The following PTPRT variants were observed in gnomAD, a reference collection of about 807,000 sequenced individuals.
The protein encoded by PTPRT is protein tyrosine phosphatase receptor type T, also known as receptor-type tyrosine-protein phosphatase T.
PTPRT carries 56 observed loss-of-function variants against 176.8 expected under a neutral mutation model. The observed-to-expected ratio is 0.32, with a 90% CI of 0.26 to 0.40. The LOEUF is 0.40. Ranked by LOEUF, PTPRT falls within the 10% of genes least tolerant of loss-of-function variation. The pLI, the probability that PTPRT is intolerant of heterozygous loss-of-function variation, is 1.00. For missense variants in PTPRT, 1,540 were observed against 1,908.2 expected (o/e 0.81, Z 3.60); for synonymous variants, 783 against 739.0 (o/e 1.06, Z -0.96).
chr20:42,593,581 C>T (rs1343262220), intron 7 of PTPRT, among the ~76,000 whole-genome samples: 2 of 152,174 alleles, frequency 1.3e-5, no homozygotes, highest in Admixed American at 1.3e-4. Flanking sequence ...TCAATATTTC[C>T]ACATTTGCTG....
intron 7 of PTPRT, among the ~76,000 whole-genome samples, chr20:42,575,075 G>T (rs1352780177): frequency 6.6e-6 from 1 of 152,108 alleles, no homozygotes; most frequent in African/African-American, 2.4e-5. Flanking sequence ...CGTGAGAATG[G>T]TCTAATACAC....
chr20:42,804,897 T>A (rs1342372870), intron 2 of PTPRT, among the ~76,000 whole-genome samples: 1 of 152,216 alleles, frequency 6.6e-6, no homozygotes, highest in Non-Finnish European at 1.5e-5. Flanking sequence ...TACTCCAATA[T>A]GGCTTTATCT....
At chr20:42,961,463 T>C (rs898281423) in intron 1 of PTPRT, among the ~76,000 whole-genome samples, 11 of 152,212 alleles carry the variant, frequency 7.2e-5, no homozygotes, top group African/African-American at 2.7e-4. Flanking sequence ...AAAGAAAGAT[T>C]ATAGCTACAT....
At chr20:42,201,232 G>A (rs1440393717) in intron 15 of PTPRT, among the ~76,000 whole-genome samples, 1 of 152,120 alleles carries the variant, frequency 6.6e-6, no homozygotes, top group Non-Finnish European at 1.5e-5. Flanking sequence ...CCCAAGAGGT[G>A]GAGGCTGCAG....
rs111947642 is a variant in PTPRT at position 42,429,516 on chromosome 20, G to T, written c.1560+18704C>A. On this transcript the variant is annotated intron_variant, in intron 9 of 30. Coordinates refer to ENST00000373187, the MANE Select transcript of PTPRT (RefSeq NM_007050.6). ...TCTCCTCCCTCTCTCCTCATCCCCT[G>T]CAAGGCGCTCTTTCAGATGAACAGA... Among the ~76,000 whole-genome samples the T allele has an allele frequency of 4.7e-3, 712 of 152,222 alleles. 5 individuals carry two copies. Among genetic ancestry groups the T allele is most frequent in the African/African-American group, 0.016 (652 of 41,554 alleles).
chr20:42,458,785 A>T (rs756977119), intron 8 of PTPRT, among the ~76,000 whole-genome samples: 9 of 152,170 alleles, frequency 5.9e-5, no homozygotes, highest in Non-Finnish European at 1.3e-4. Flanking sequence ...ATGATCTTAA[A>T]TCTAATTTTT....
At position 42,546,532 on chromosome 20, in the gene PTPRT, T is replaced by C. The variant is rs952521204; in HGVS notation, c.1154-73970A>G. On this transcript the variant is annotated intron_variant, in intron 7 of 30. Coordinates refer to ENST00000373187, the MANE Select transcript of PTPRT (RefSeq NM_007050.6). The stretch of plus-strand genomic sequence containing the variant: ...GAAATACGGAGTCCTTCTCAGGCCA[T>C]ATTTAATTTCCTTTAACAGTGTTTC... Among the ~76,000 whole-genome samples, 3 of 152,044 alleles carry C rather than the reference T, an allele frequency of 2.0e-5. No homozygotes were observed. The East Asian group carries it at 5.8e-4, about 29-fold the overall frequency.
intron 1 of PTPRT, among the ~76,000 whole-genome samples, chr20:42,927,438 C>T (rs1447736979): frequency 2.6e-5 from 4 of 152,048 alleles, no homozygotes; most frequent in East Asian, 3.9e-4. Context: ...GGCGCATGCC[C>T]GTAATCCAAG....
At chr20:42,052,245 G>A in the PTPRT span, among the ~76,000 whole-genome samples, 1 of 152,164 alleles carries the variant, frequency 6.6e-6, no homozygotes, top group Non-Finnish European at 1.5e-5. Context: ...TGCTCTGAGG[G>A]CACTCTGCTG....
At chr20:42,255,818 C>A (rs2056627797) in intron 13 of PTPRT, among the ~76,000 whole-genome samples, 1 of 152,188 alleles carries the variant, frequency 6.6e-6, no homozygotes, top group South Asian at 2.1e-4. Context: ...GGATGCATAA[C>A]CCATGCTGGT....
chr20:43,140,826 T>C (rs2013981974), intron 1 of PTPRT, among the ~76,000 whole-genome samples: 1 of 152,154 alleles, frequency 6.6e-6, no homozygotes, highest in Non-Finnish European at 1.5e-5. Context: ...CAGTTTATAG[T>C]TTTCAGTCAA....
chr20:42,386,650 C>A lies in PTPRT; in HGVS notation c.1561-34365G>T, dbSNP rs551065389. Among the ~76,000 whole-genome samples the A allele has an allele frequency of 5.9e-5, 9 of 152,242 alleles. No individual in the cohort carries two copies. The South Asian group carries it at 8.3e-4, about 14-fold the overall frequency. On this transcript the variant is annotated intron_variant, in intron 9 of 30. Coordinates refer to ENST00000373187, the MANE Select transcript of PTPRT (RefSeq NM_007050.6). ...GGCTGAGGCAGGTGGATCACGAGGT[C>A]GTGAGTTCAAGACCAGCCTGGCCAA...
At chr20:42,352,380 A>AG in intron 9 of PTPRT, 95 bp from the exon 10 acceptor site, 1 of 1,241,892 alleles carries the variant, frequency 8.1e-7, no homozygotes, top group South Asian at 1.3e-5. Flanking sequence ...AGGCGGGGGA[A>AG]GGGGCAGGCA....
In PTPRT at chr20:43,152,580, C is replaced by A. The variant is rs532074500; in HGVS notation, c.88+37066G>T. 2.0e-5 allele frequency among the ~76,000 whole-genome samples: 3 copies of A among 152,292 alleles called. No homozygotes were observed. In the South Asian group the frequency reaches 6.2e-4, roughly 32 times the overall value. On this transcript the variant is annotated intron_variant, in intron 1 of 30. Transcript: ENST00000373187. The stretch of plus-strand genomic sequence containing the variant: ...CAGCAAGGTCCTCAGCACATAGTAG[C>A]TACCTAATAAACATTTATAAAGTGA...
At chr20:42,754,068 A>G (rs910960750) in intron 6 of PTPRT, among the ~76,000 whole-genome samples, 2 of 152,194 alleles carry the variant, frequency 1.3e-5, no homozygotes, top group Admixed American at 6.5e-5. Context: ...GAGACCAGCC[A>G]CGGAAGGTAT....
intron 8 of PTPRT, 77 bp downstream of exon 8, chr20:42,472,189 C>G: frequency 6.8e-7 from 1 of 1,476,318 alleles, no homozygotes; most frequent in Non-Finnish European, 9.2e-7. Flanking sequence ...AAAATAAAAG[C>G]CTCATAACTG....
chr20:43,180,354 T>TCTCTCTCTCTCTCC (rs2015223232), intron 1 of PTPRT, among the ~76,000 whole-genome samples: 1 of 150,702 alleles, frequency 6.6e-6, no homozygotes, highest in Non-Finnish European at 1.5e-5. Context: ...TCTCTCTCTC[T>TCTCTCTCTCTCTCC]CTCTCTCTCT....
chr20:42,821,771 G>T (rs1004215495), intron 2 of PTPRT, among the ~76,000 whole-genome samples: 1 of 151,778 alleles, frequency 6.6e-6, no homozygotes, highest in African/African-American at 2.4e-5. Context: ...CTGACAATAG[G>T]CAAGCAGAGA....
At chr20:42,118,378 C>T (rs1987404746) in intron 21 of PTPRT, 25 bp downstream of exon 21, 1 of 1,578,990 alleles carries the variant, frequency 6.3e-7, no homozygotes, top group Middle Eastern at 1.7e-4. Flanking sequence ...CATCCTCTGC[C>T]CAGGCGAGTG....
Sources: allele counts gnomAD v4.1 joint callset (sites outside exome capture counted in the v4.1 genomes callset), GRCh38; gene constraint gnomAD v4.1.1; transcripts MANE v1.5; gene names NCBI Gene and HGNC (gene_info 2026-07-23, HGNC 2026-07-21).